Variants in ZNF469 observed in about 807,000 individuals in gnomAD.
The protein encoded by ZNF469 is zinc finger protein 469.
ZNF469 carries 1 observed loss-of-function variant against 1.0 expected under a neutral mutation model. The ratio of observed to expected loss-of-function variants is 1.00; its 90% CI spans 0.35 to 4.73. ZNF469 has a LOEUF of 4.73. ZNF469 is among the 30% of genes most tolerant of loss of function. The pLI, the probability that ZNF469 is intolerant of heterozygous loss-of-function variation, is 0.16. For missense variants in ZNF469, 6,100 were observed against 5,356.3 expected (o/e 1.14, Z -4.33); for synonymous variants, 2,703 against 2,363.4 (o/e 1.14, Z -4.17).
the ZNF469 span, chr16:88,276,617 G>C: frequency 6.6e-6 from 1 of 152,216 alleles, no homozygotes; most frequent in South Asian, 2.1e-4. Context: ...TTGATTTCGC[G>C]TCACGTCCTG....
the ZNF469 span, among the ~76,000 whole-genome samples, chr16:88,355,983 C>A: frequency 6.6e-6 from 1 of 152,144 alleles, no homozygotes; most frequent in Non-Finnish European, 1.5e-5. Context: ...GGCAGACGTC[C>A]CATATGTGGC....
the ZNF469 span, among the ~76,000 whole-genome samples, chr16:88,274,885 G>A: frequency 3.3e-5 from 5 of 152,242 alleles, no homozygotes; most frequent in Non-Finnish European, 7.3e-5. Flanking sequence ...CATTGCTTAT[G>A]GGGCAGCACT....
the ZNF469 span, among the ~76,000 whole-genome samples, chr16:88,152,797 C>T: frequency 4.6e-5 from 7 of 152,140 alleles, no homozygotes; most frequent in African/African-American, 1.4e-4. This position sits in a 1 kb window ranked among gnomAD's most constrained non-coding sequence, Gnocchi z 4.2. Flanking sequence ...CCAGGGAGGC[C>T]GCAGCCAGGG....
intron 1 of ZNF469, among the ~76,000 whole-genome samples, chr16:88,409,185 C>G (rs1179573466): frequency 6.6e-6 from 1 of 152,230 alleles, no homozygotes; most frequent in East Asian, 1.9e-4. Flanking sequence ...TGTCTGGGCT[C>G]AGGTCAGCAT....
At chr16:88,380,766 CCTCACACACATGCA>C (rs563263070), upstream of ZNF469, among the ~76,000 whole-genome samples, 41 of 108,708 alleles carry the variant, frequency 3.8e-4, no homozygotes, top group African/African-American at 8.9e-4. Context: ...TCACAGACGT[CCTCACACACATGCA>C]CTCACACACA....
At chr16:88,110,156 G>A in the ZNF469 span, among the ~76,000 whole-genome samples, 12 of 152,240 alleles carry the variant, frequency 7.9e-5, no homozygotes, top group Middle Eastern at 3.4e-3. Context: ...TCACACACAC[G>A]TCCAGCTGCC....
chr16:88,366,417 C>T, the ZNF469 span, among the ~76,000 whole-genome samples: 2 of 151,646 alleles, frequency 1.3e-5, no homozygotes, highest in Non-Finnish European at 2.9e-5. Flanking sequence ...CCAACACCAC[C>T]ATCATCACTA....
At chr16:88,230,473 G>A in the ZNF469 span, among the ~76,000 whole-genome samples, 1 of 152,182 alleles carries the variant, frequency 6.6e-6, no homozygotes, top group Non-Finnish European at 1.5e-5. Context: ...ACTGGGCTCT[G>A]AGCCTCTGGG....
At chr16:88,266,521 C>T in the ZNF469 span, among the ~76,000 whole-genome samples, 25 of 152,208 alleles carry the variant, frequency 1.6e-4, no homozygotes, top group Admixed American at 3.3e-4. Flanking sequence ...CCAAGTTTAA[C>T]GTTTTATTTG....
Position 88,438,952 on chromosome 16 carries a change from A to C in ZNF469, c.11482A>C (p.Ser3828Arg), listed in dbSNP as rs1293536070. 3.2e-6 allele frequency: 5 copies of C among 1,550,540 alleles called. No individual in the cohort carries two copies. The highest frequency in any genetic ancestry group is 4.4e-6 in the Non-Finnish European group (5 of 1,146,982). The stretch of plus-strand genomic sequence containing the variant: ...GGGCCAGGTCCCAGGGCCAGCCAGG[A>C]GTGAAAGTGTGGGGAGCTTCGGGAG... ...KKGQVPGPAR[S>R]ESVGSFGRAP... Residue 3828 changes from serine (S) to arginine (R), a missense_variant, in exon 3 of 3, where the codon AGT becomes CGT. Transcript: ENST00000565624.
chr16:88,212,082 A>T, the ZNF469 span, among the ~76,000 whole-genome samples: 4 of 152,174 alleles, frequency 2.6e-5, no homozygotes, highest in Non-Finnish European at 4.4e-5. Context: ...GCTAGGCTAA[A>T]ATTCTTATAT....
At chr16:88,194,049 A>T in the ZNF469 span, among the ~76,000 whole-genome samples, 1 of 152,182 alleles carries the variant, frequency 6.6e-6, no homozygotes. Flanking sequence ...GTGGCCCGGC[A>T]CCTGCAGAGT....
chr16:88,331,612 C>T, the ZNF469 span, among the ~76,000 whole-genome samples: 1,663 of 151,850 alleles, frequency 0.011, 20 homozygotes, highest in African/African-American at 0.038. Context: ...TCACCACCAT[C>T]ATCATCATCA....
At chr16:88,106,384 G>C in the ZNF469 span, among the ~76,000 whole-genome samples, 1 of 152,232 alleles carries the variant, frequency 6.6e-6, no homozygotes. Context: ...AGATGAGATT[G>C]GCTGTCTAGC....
chr16:88,318,858 T>C, the ZNF469 span, among the ~76,000 whole-genome samples: 2 of 152,378 alleles, frequency 1.3e-5, no homozygotes, highest in South Asian at 2.1e-4. Context: ...ACGGCCATCA[T>C]GCAAACAGCT....
chr16:88,182,919 C>G, the ZNF469 span, among the ~76,000 whole-genome samples: 1 of 152,144 alleles, frequency 6.6e-6, no homozygotes, highest in Non-Finnish European at 1.5e-5. Context: ...AAAGCCTCTG[C>G]TCTTTAAAGA....
At chr16:88,136,759 G>T in the ZNF469 span, among the ~76,000 whole-genome samples, 2 of 152,348 alleles carry the variant, frequency 1.3e-5, no homozygotes, top group African/African-American at 4.8e-5. Flanking sequence ...CTTCTTTGTG[G>T]AGAAGATTAG....
chr16:88,328,145 C>T, the ZNF469 span, among the ~76,000 whole-genome samples: 10 of 152,212 alleles, frequency 6.6e-5, no homozygotes, highest in South Asian at 1.0e-3. Flanking sequence ...GAGGAGCTGC[C>T]GAGTCTGTGC....
chr16:88,158,825 G>A, the ZNF469 span, among the ~76,000 whole-genome samples: 374 of 152,298 alleles, frequency 2.5e-3, 1 homozygote, highest in Admixed American at 7.4e-3. Flanking sequence ...GCAGTGCAGG[G>A]GGGCAGAGCT....
Sources: allele counts gnomAD v4.1 joint callset (sites outside exome capture counted in the v4.1 genomes callset), GRCh38; gene constraint gnomAD v4.1.1; non-coding constraint Gnocchi (gnomAD v3.1); transcripts MANE v1.5; gene names NCBI Gene and HGNC (gene_info 2026-07-23, HGNC 2026-07-21).